ZMAT4: variants seen among roughly 807,000 people sequenced by gnomAD.
The protein encoded by ZMAT4 is zinc finger matrin-type 4.
A neutral mutation model predicts 28.7 loss-of-function variants in ZMAT4; 17 were observed. The ratio of observed to expected loss-of-function variants is 0.59; its 90% CI spans 0.41 to 0.89. The LOEUF (loss-of-function observed/expected upper bound fraction) is 0.89. Ranked by LOEUF, ZMAT4 falls within the 40% of genes least tolerant of loss-of-function variation. The pLI is 0.00. For synonymous variants in ZMAT4, 117 were observed against 109.2 expected, an observed-to-expected ratio of 1.07 and a Z score of -0.44; for missense variants, 240 against 283.8, an observed-to-expected ratio of 0.85 and a Z score of 1.11.
intron 6 of ZMAT4, among the ~76,000 whole-genome samples, chr8:40,541,449 G>T (rs1803025298): frequency 6.6e-6 from 1 of 152,090 alleles, no homozygotes. Context: ...GCCCACTTAG[G>T]TACCCAGTAG....
intron 3 of ZMAT4, among the ~76,000 whole-genome samples, chr8:40,756,674 ATTC>A (rs1812713793): frequency 7.2e-6 from 1 of 138,916 alleles, no homozygotes; most frequent in African/African-American, 2.7e-5. Context: ...TGTGTACTGG[ATTC>A]TTATTATTTG....
At chr8:40,719,567 C>T (rs1810993747) in intron 3 of ZMAT4, among the ~76,000 whole-genome samples, 2 of 152,038 alleles carry the variant, frequency 1.3e-5, no homozygotes, top group South Asian at 4.2e-4. Flanking sequence ...ACTCAAGGCC[C>T]TTTTTTTGTT....
intron 2 of ZMAT4, among the ~76,000 whole-genome samples, chr8:40,771,670 G>A (rs1354705827): frequency 1.3e-5 from 2 of 152,174 alleles, no homozygotes; most frequent in Non-Finnish European, 2.9e-5. Flanking sequence ...AGCAATATAT[G>A]CTACTTCCAA....
At chr8:40,860,240 T>A (rs1699609233) in intron 1 of ZMAT4, among the ~76,000 whole-genome samples, 1 of 152,106 alleles carries the variant, frequency 6.6e-6, no homozygotes, top group Non-Finnish European at 1.5e-5. Flanking sequence ...TTTTACAGCC[T>A]GAGGGGAGGT....
At chr8:40,756,459 C>T (rs61471440) in intron 3 of ZMAT4, among the ~76,000 whole-genome samples, 6,167 of 61,884 alleles carry the variant, frequency 0.1, 525 homozygotes, top group East Asian at 0.21. Context: ...TATATATATA[C>T]ACACTTGTAT....
chr8:40,540,731 G>C (rs1434279071), intron 6 of ZMAT4, among the ~76,000 whole-genome samples: 1 of 152,220 alleles, frequency 6.6e-6, no homozygotes, highest in Non-Finnish European at 1.5e-5. Flanking sequence ...TGAAGTCTGT[G>C]CCCTTAAGTT....
chr8:40,545,800 T>G (rs1803183238), intron 6 of ZMAT4, among the ~76,000 whole-genome samples: 1 of 147,958 alleles, frequency 6.8e-6, no homozygotes, highest in African/African-American at 2.7e-5. Context: ...CACTCATTTT[T>G]GGTACTTTGT....
intron 5 of ZMAT4, among the ~76,000 whole-genome samples, chr8:40,630,867 A>G (rs1037297253): frequency 6.6e-6 from 1 of 152,276 alleles, no homozygotes; most frequent in African/African-American, 2.4e-5. Flanking sequence ...TGCCATAGTC[A>G]AAAGTAAAAC....
In ZMAT4 at chr8:40,659,273, G is replaced by A. The variant is rs536419552; in HGVS notation, c.577+15431C>T. ...ATTATGAAACGGAAACGAGATGAGG[G>A]CAGGAGTCAATAAATTTAGTAGACA... On this transcript the variant is annotated intron_variant, in intron 5 of 6. Coordinates refer to ENST00000297737, the MANE Select transcript of ZMAT4 (RefSeq NM_024645.3). Among the ~76,000 whole-genome samples, 123 of 152,184 alleles carry A rather than the reference G, an allele frequency of 8.1e-4. 1 individual carries two copies. Among genetic ancestry groups the A allele is most frequent in the African/African-American group, 2.9e-3 (122 of 41,548 alleles).
chr8:40,892,887 G>A (rs1378529863), intron 1 of ZMAT4, among the ~76,000 whole-genome samples: 3 of 152,196 alleles, frequency 2.0e-5, no homozygotes, highest in African/African-American at 7.2e-5. Flanking sequence ...TGCACTCCAT[G>A]GCCCTTGCCT....
intron 2 of ZMAT4, among the ~76,000 whole-genome samples, chr8:40,808,872 C>A (rs982843844): frequency 6.6e-6 from 1 of 151,590 alleles, no homozygotes; most frequent in Admixed American, 6.6e-5. Context: ...AAAACTATTC[C>A]CGAACTCTTT....
chr8:40,678,548 C>T (rs1432508798), intron 4 of ZMAT4, among the ~76,000 whole-genome samples: 3 of 152,156 alleles, frequency 2.0e-5, no homozygotes, highest in African/African-American at 4.8e-5. Context: ...GCCTTAACAA[C>T]CTAAGCAAGA....
At chr8:40,591,957 A>G (rs1306650019) in intron 5 of ZMAT4, among the ~76,000 whole-genome samples, 2 of 133,360 alleles carry the variant, frequency 1.5e-5, no homozygotes, top group Non-Finnish European at 3.2e-5. Flanking sequence ...TACCTTAATT[A>G]CTGCACTAGG....
intron 5 of ZMAT4, among the ~76,000 whole-genome samples, chr8:40,669,495 CCT>C (rs1005550181): frequency 6.6e-6 from 1 of 151,870 alleles, no homozygotes; most frequent in African/African-American, 2.4e-5. Context: ...CTCTGCCACC[CCT>C]GAGTAGCAGA....
At chr8:40,794,721 G>A (rs536645595) in intron 2 of ZMAT4, among the ~76,000 whole-genome samples, 10 of 152,236 alleles carry the variant, frequency 6.6e-5, no homozygotes, top group Admixed American at 3.3e-4. Flanking sequence ...GTGGACACAG[G>A]TATTCCCAGG....
intron 3 of ZMAT4, among the ~76,000 whole-genome samples, chr8:40,766,911 C>G (rs1813181684): frequency 6.6e-6 from 1 of 152,216 alleles, no homozygotes; most frequent in African/African-American, 2.4e-5. Flanking sequence ...ACGCCTGCAG[C>G]CTCCTCTTAA....
At chr8:40,749,788 T>TA (rs1812382845) in intron 3 of ZMAT4, among the ~76,000 whole-genome samples, 1 of 152,170 alleles carries the variant, frequency 6.6e-6, no homozygotes, top group Non-Finnish European at 1.5e-5. Flanking sequence ...GGTGACAAGA[T>TA]AAAAAAGGTG....
At chr8:40,894,671 G>A (rs1211419606) in intron 1 of ZMAT4, among the ~76,000 whole-genome samples, 1 of 152,002 alleles carries the variant, frequency 6.6e-6, no homozygotes, top group African/African-American at 2.4e-5. Flanking sequence ...TGAATACATG[G>A]AAATAGCGTG....
chr8:40,697,389 C>T lies in ZMAT4; in HGVS notation c.205G>A (p.Asp69Asn), dbSNP rs776568390. 29 of 1,592,952 alleles carry T rather than the reference C, an allele frequency of 1.8e-5. No homozygotes were observed. In the East Asian group the frequency reaches 4.1e-4, roughly 22 times the overall value. Residue 69 changes from aspartate (D) to asparagine (N), a missense_variant, in exon 4 of 7, where the codon GAC becomes AAC. Transcript: ENST00000297737. ...CAGCACTTGTTCTTATCCACCATGT[C>T]GGCATCACTTCCCTGCGCAGGGAGA... is the stretch of plus-strand genomic sequence containing the variant. The part of the protein sequence containing the change: ...RLRSENGSDA[D>N]MVDKNKCCTL...
Sources: gnomAD v4.1 joint callset for allele counts (sites outside exome capture counted in the v4.1 genomes callset) on GRCh38, gnomAD v4.1.1 for gene constraint, MANE v1.5 for transcripts, NCBI Gene and HGNC (gene_info 2026-07-23, HGNC 2026-07-21) for gene names.